Variants in DOCK11 observed in about 807,000 individuals in gnomAD.
DOCK11 encodes the protein dedicator of cytokinesis protein 11.
A neutral mutation model predicts 169.1 loss-of-function variants in DOCK11; 70 were observed. The observed-to-expected ratio is 0.41, with a 90% confidence interval of 0.34 to 0.51. The LOEUF is 0.51. Among genes scored for constraint, DOCK11 ranks in the 20% least tolerant of loss-of-function variants. The pLI is 0.10. For synonymous variants in DOCK11, 529 were observed against 541.3 expected (o/e 0.98, Z 0.32); for missense variants, 1,166 against 1,538.8 (o/e 0.76, Z 4.05).
intron 23 of DOCK11, among the ~76,000 whole-genome samples, 153 bp downstream of exon 23, chrX:118,599,381 T>A (rs1427490996): frequency 1.8e-5 from 2 of 111,963 alleles, no homozygotes; most frequent in African/African-American, 3.2e-5. Context: ...TTTTCCATCA[T>A]GTGGCTGTTT....
At chrX:118,683,279 C>T (rs745317432) in intron 52 of DOCK11, 62 bp downstream of exon 52, 36 of 1,123,058 alleles carry the variant, frequency 3.2e-5, no homozygotes, top group Non-Finnish European at 4.2e-5. Context: ...TGTTGCTTAG[C>T]AAAATATAAT....
At chrX:118,599,930 G>A (rs2014282603) in intron 23 of DOCK11, among the ~76,000 whole-genome samples, 1 of 112,156 alleles carries the variant, frequency 8.9e-6, no homozygotes, top group Admixed American at 9.5e-5. Context: ...TTCTTTCAGA[G>A]AGGTAGTATG....
At chrX:118,684,227 A>T (rs1202770921) in intron 52 of DOCK11, among the ~76,000 whole-genome samples, 1 of 105,216 alleles carries the variant, frequency 9.5e-6, no homozygotes, top group Non-Finnish European at 2.0e-5. Flanking sequence ...CGAAGTATAT[A>T]GTCCTTTCAA....
chrX:118,593,176 A>G, intron 19 of DOCK11, 38 bp from the exon 20 acceptor site: 4 of 1,173,678 alleles, frequency 3.4e-6, no homozygotes, highest in Non-Finnish European at 4.6e-6. Context: ...TCAGCTTGAG[A>G]AAACGAAGTT....
intron 1 of DOCK11, among the ~76,000 whole-genome samples, chrX:118,508,571 G>A (rs1056919755): frequency 1.8e-5 from 2 of 111,096 alleles, no homozygotes; most frequent in Admixed American, 1.9e-4. Flanking sequence ...AATAACTTAA[G>A]TTCAAGAAGG....
intron 40 of DOCK11, among the ~76,000 whole-genome samples, chrX:118,648,448 C>T (rs1314187185): frequency 2.1e-5 from 2 of 95,634 alleles, no homozygotes; most frequent in Non-Finnish European, 4.1e-5. Context: ...TTATTGTGAA[C>T]ATCAACGTGC....
In DOCK11 at chrX:118,641,276, A is replaced by G; in HGVS notation, c.4231A>G (p.Thr1411Ala). 8.3e-7 allele frequency: 1 copy of G among 1,202,521 alleles called. No homozygotes were observed. The highest frequency in any genetic ancestry group is 1.1e-6 in the Non-Finnish European group (1 of 887,959). ...ATEVSLTVLD[T>A]ISFFTQCFKT... is the part of the protein sequence containing the mutation. ...TGAAGTTTCCCTAACAGTACTAGAC[A>G]CCATATCATTTTTCACTCAGTGCTT... Residue 1411 changes from threonine (T) to alanine (A), a missense_variant, in exon 39 of 53, where the codon ACC (threonine) becomes GCC (alanine). Transcript: ENST00000276202.
intron 44 of DOCK11, among the ~76,000 whole-genome samples, chrX:118,660,859 C>A (rs997053256): frequency 1.2e-4 from 13 of 110,852 alleles, no homozygotes; most frequent in Admixed American, 3.8e-4. Context: ...CCTGGGGCTC[C>A]TTCTTCCTTA....
intron 1 of DOCK11, among the ~76,000 whole-genome samples, chrX:118,540,735 G>C (rs1414678934): frequency 2.7e-5 from 3 of 111,590 alleles, no homozygotes; most frequent in Non-Finnish European, 3.8e-5. Flanking sequence ...TGTGAACCAT[G>C]TATAAAAACT....
intron 32 of DOCK11, among the ~76,000 whole-genome samples, chrX:118,625,162 T>G (rs1247467405): frequency 1.8e-5 from 2 of 109,133 alleles, no homozygotes; most frequent in East Asian, 5.7e-4. Context: ...AAAACAGGTT[T>G]TTTTTTTTTT....
intron 45 of DOCK11, 44 bp from the exon 46 acceptor site, chrX:118,670,979 T>C (rs759649314): frequency 2.6e-6 from 3 of 1,141,245 alleles, no homozygotes; most frequent in Admixed American, 5.1e-5. Flanking sequence ...TCCAAAACTC[T>C]AAAACTATTT....
intron 23 of DOCK11, among the ~76,000 whole-genome samples, chrX:118,601,440 A>G (rs957701129): frequency 9.1e-6 from 1 of 110,448 alleles, no homozygotes; most frequent in Admixed American, 9.6e-5. Context: ...AAAAAAAAGA[A>G]AAAAGTATGA....
chrX:118,572,201 A>C (rs2013297967), intron 10 of DOCK11, 122 bp from the exon 11 acceptor site: 1 of 596,893 alleles, frequency 1.7e-6, no homozygotes, highest in South Asian at 4.5e-5. Flanking sequence ...TGAAAACATA[A>C]AAAGGGTTCA....
intron 31 of DOCK11, among the ~76,000 whole-genome samples, chrX:118,620,952 A>C (rs1236526876): frequency 8.9e-6 from 1 of 112,795 alleles, no homozygotes. Flanking sequence ...TGCCAGTGGG[A>C]TTCTCACCAC....
intron 40 of DOCK11, among the ~76,000 whole-genome samples, chrX:118,645,251 T>A (rs2015626173): frequency 8.9e-6 from 1 of 111,842 alleles, no homozygotes; most frequent in South Asian, 3.7e-4. Context: ...CATTCATCCA[T>A]ACTATATTTA....
At chrX:118,607,063 C>CCTTTT (rs2014530906) in intron 24 of DOCK11, among the ~76,000 whole-genome samples, 1 of 106,176 alleles carries the variant, frequency 9.4e-6, no homozygotes, top group African/African-American at 3.4e-5. Context: ...CTTTCCTTTT[C>CCTTTT]CTTTTCCTTT....
rs900147597 is a variant in DOCK11 at position 118,536,125 on chromosome X, C to G, written c.103-6600C>G. Among the ~76,000 whole-genome samples the G allele has an allele frequency of 6.3e-5, 7 of 111,064 alleles. No individual in the cohort carries two copies. The East Asian group carries it at 1.7e-3, about 27-fold the overall frequency. ...CCAGCCTGGGCAACACGGCAAAACC[C>G]CGTCTCTATAAAAAATACAAAAATT... is the stretch of plus-strand genomic sequence containing the variant. On this transcript the variant is annotated intron_variant, in intron 1 of 52. Transcript: ENST00000276202.
chrX:118,660,472 A>T (rs932847648), intron 44 of DOCK11, among the ~76,000 whole-genome samples: 1 of 110,241 alleles, frequency 9.1e-6, no homozygotes, highest in African/African-American at 3.3e-5. Context: ...TTTATTTATT[A>T]TTATTATTTT....
At chrX:118,614,083 G>A (rs1003154656) in intron 28 of DOCK11, among the ~76,000 whole-genome samples, 1 of 111,723 alleles carries the variant, frequency 9.0e-6, no homozygotes, top group African/African-American at 3.3e-5. Flanking sequence ...GAAGACTGAG[G>A]AGGTTAACTG....
Sources: allele counts gnomAD v4.1 joint callset (sites outside exome capture counted in the v4.1 genomes callset), GRCh38; gene constraint gnomAD v4.1.1; transcripts MANE v1.5; gene names NCBI Gene and HGNC (gene_info 2026-07-23, HGNC 2026-07-21).